Variants in TBC1D30 observed in about 807,000 individuals in gnomAD.
The protein encoded by TBC1D30 is TBC1 domain family member 30.
In TBC1D30, 31 loss-of-function variants were observed where a neutral mutation model predicts 63.2. That is an observed-to-expected ratio of 0.49 (90% CI 0.37 to 0.66). The LOEUF is 0.66. Ranked by LOEUF, TBC1D30 falls within the 30% of genes least tolerant of loss-of-function variation. TBC1D30 has a pLI of 0.00. For missense variants in TBC1D30, 810 were observed against 953.6 expected, an observed-to-expected ratio of 0.85 and a Z score of 1.98; for synonymous variants, 307 against 361.5, an observed-to-expected ratio of 0.85 and a Z score of 1.71.
intron 2 of TBC1D30, among the ~76,000 whole-genome samples, chr12:64,811,603 G>C (rs777179144): frequency 6.6e-6 from 1 of 152,182 alleles, no homozygotes; most frequent in Non-Finnish European, 1.5e-5. Context: ...ATCCCACTGT[G>C]TACCCTAATT....
chr12:64,875,865 G>A lies in TBC1D30; in HGVS notation c.*77G>A. The A allele has an allele frequency of 7.3e-7, 1 of 1,372,560 alleles. No individual in the cohort carries two copies. The highest frequency in any genetic ancestry group is 9.6e-7 in the Non-Finnish European group (1 of 1,040,504). 85.0% of individuals were successfully genotyped at this position (1,372,560 alleles called of 1,614,324 possible). On this transcript the variant is annotated 3_prime_UTR_variant, in exon 12 of 12. Transcript: ENST00000539867. ...GTTGCAGCTGAATGGCTCTAAAAGA[G>A]TTTTATTTGTCCAGTGAAAATGAAT...
chr12:64,775,459 G>GA (rs1871048977), intron 1 of TBC1D30, among the ~76,000 whole-genome samples: 2 of 151,862 alleles, frequency 1.3e-5, no homozygotes, highest in South Asian at 4.2e-4. Flanking sequence ...ATAGAAAACA[G>GA]AAAAAAGCAG....
chr12:64,833,404 A>G (rs1875044089), intron 5 of TBC1D30, among the ~76,000 whole-genome samples: 1 of 152,228 alleles, frequency 6.6e-6, no homozygotes, highest in African/African-American at 2.4e-5. Context: ...GTGGAGGCTA[A>G]TGCCTATTTG....
chr12:64,815,298 A>G (rs1873455558), intron 2 of TBC1D30, among the ~76,000 whole-genome samples: 2 of 152,026 alleles, frequency 1.3e-5, no homozygotes, highest in South Asian at 4.1e-4. Context: ...TTTGGCTCAC[A>G]TTTTTTTCTT....
At chr12:64,866,957 A>C in intron 10 of TBC1D30, 54 bp downstream of exon 10, 1 of 1,524,518 alleles carries the variant, frequency 6.6e-7, no homozygotes, top group Non-Finnish European at 8.8e-7. Context: ...TTACTACAAT[A>C]AGAGTGATAT....
At chr12:64,859,813 C>T (rs1390354781) in intron 8 of TBC1D30, among the ~76,000 whole-genome samples, 1 of 152,098 alleles carries the variant, frequency 6.6e-6, no homozygotes, top group Non-Finnish European at 1.5e-5. Flanking sequence ...CTGGTCATAG[C>T]TCTGCTCCCA....
intron 3 of TBC1D30, among the ~76,000 whole-genome samples, chr12:64,830,083 T>G (rs1874706239): frequency 6.6e-6 from 1 of 152,224 alleles, no homozygotes; most frequent in Non-Finnish European, 1.5e-5. Flanking sequence ...AAATACAATT[T>G]GAAAATCTTC....
upstream of TBC1D30, among the ~76,000 whole-genome samples, chr12:64,778,065 A>G (rs2136285375): frequency 6.6e-6 from 1 of 152,322 alleles, no homozygotes; most frequent in South Asian, 2.1e-4. Flanking sequence ...CCCAGCCATC[A>G]GTGGTTCTTT....
At chr12:64,816,865 C>T (rs1873574566) in intron 2 of TBC1D30, among the ~76,000 whole-genome samples, 1 of 145,206 alleles carries the variant, frequency 6.9e-6, no homozygotes, top group Non-Finnish European at 1.5e-5. Context: ...GTTGCTCTGT[C>T]ACCCAGGCTG....
In TBC1D30 at chr12:64,824,779, C is replaced by G. The variant is rs1254882330; in HGVS notation, c.-101C>G. On this transcript the variant is annotated 5_prime_UTR_variant, in exon 1 of 12. Coordinates refer to ENST00000539867, the MANE Select transcript of TBC1D30 (RefSeq NM_015279.2). ...CTCCCTGCTCCCACGGGCCGGTCAGCCGCAGACACTCACCCAGCTCCGCGA... is the reference window on the plus strand; with the variant it reads ...CTCCCTGCTCCCACGGGCCGGTCAGGCGCAGACACTCACCCAGCTCCGCGA... 1.4e-6 allele frequency: 2 copies of G among 1,433,648 alleles called. No homozygotes were observed. The highest frequency in any genetic ancestry group is 4.6e-5 in the Admixed American group (2 of 43,674). 88.8% of individuals were successfully genotyped at this position (1,433,648 alleles called of 1,614,324 possible).
At chr12:64,831,022 G>T (rs1365801894) in intron 4 of TBC1D30, among the ~76,000 whole-genome samples, 2 of 152,158 alleles carry the variant, frequency 1.3e-5, no homozygotes, top group Admixed American at 1.3e-4. Context: ...ACAGAGCCTG[G>T]TGCTAAAAGC....
At chr12:64,783,378 A>G (rs1024121614) in intron 1 of TBC1D30, among the ~76,000 whole-genome samples, 5 of 152,198 alleles carry the variant, frequency 3.3e-5, no homozygotes, top group Admixed American at 1.3e-4. Flanking sequence ...GATAATAATA[A>G]TACCTACCTC....
chr12:64,769,352 T>A (rs1401632922), intron 1 of TBC1D30, among the ~76,000 whole-genome samples: 1 of 151,388 alleles, frequency 6.6e-6, no homozygotes, highest in African/African-American at 2.4e-5. Context: ...ATTACAGGCG[T>A]GCACCACCAC....
intron 8 of TBC1D30, among the ~76,000 whole-genome samples, chr12:64,851,062 G>T (rs1229332499): frequency 6.6e-6 from 1 of 152,132 alleles, no homozygotes; most frequent in African/African-American, 2.4e-5. Flanking sequence ...TTGCCTAGGG[G>T]TGTTTATAGT....
intron 7 of TBC1D30, among the ~76,000 whole-genome samples, chr12:64,840,027 A>AAAAAAAAAAAAAAC (rs1555171793): frequency 2.7e-5 from 4 of 145,808 alleles, no homozygotes; most frequent in African/African-American, 1.0e-4. Context: ...AAAAAAAAAA[A>AAAAAAAAAAAAAAC]ATCCACCAAC....
chr12:64,765,376 C>T (rs920131584), intron 1 of TBC1D30, among the ~76,000 whole-genome samples: 1 of 149,654 alleles, frequency 6.7e-6, no homozygotes, highest in Non-Finnish European at 1.5e-5. Context: ...GTAGTCCCAG[C>T]TACTCAGGAG....
chr12:64,786,393 G>A (rs576786414), intron 2 of TBC1D30, among the ~76,000 whole-genome samples: 99 of 152,042 alleles, frequency 6.5e-4, no homozygotes, highest in Admixed American at 1.1e-3. Flanking sequence ...GTGCAGTGGC[G>A]TAATCTTGGC....
intron 10 of TBC1D30, 70 bp from the exon 11 acceptor site, chr12:64,870,532 G>C (rs2136475165): frequency 7.9e-7 from 1 of 1,263,372 alleles, no homozygotes; most frequent in African/African-American, 1.5e-5. Context: ...GAGTTGTAGT[G>C]TTATCAATTT....
chr12:64,790,359 C>T (rs578081004), intron 2 of TBC1D30, among the ~76,000 whole-genome samples: 1 of 152,218 alleles, frequency 6.6e-6, no homozygotes, highest in Admixed American at 6.5e-5. Flanking sequence ...AAGGTTGATT[C>T]TGATGTTAGG....
Sources: allele counts gnomAD v4.1 joint callset (sites outside exome capture counted in the v4.1 genomes callset), GRCh38; gene constraint gnomAD v4.1.1; transcripts MANE v1.5; gene names NCBI Gene and HGNC (gene_info 2026-07-23, HGNC 2026-07-21).